The following PTCHD4 variants were observed in gnomAD, a reference collection of about 807,000 sequenced individuals.
PTCHD4 encodes patched domain-containing protein 4.
In PTCHD4, 33 loss-of-function variants were observed where a neutral mutation model predicts 58.1. The ratio of observed to expected loss-of-function variants is 0.57; its 90% CI spans 0.43 to 0.76. PTCHD4 has a LOEUF of 0.76. PTCHD4 is among the 30% of genes least tolerant of loss of function. The probability of loss-of-function intolerance (pLI) is 0.00; values close to 1 mark genes in which losing one functional copy is unlikely to be tolerated. For synonymous variants in PTCHD4, 478 were observed against 409.6 expected, an observed-to-expected ratio of 1.17 and a Z score of -2.02; for missense variants, 1,058 against 1,027.1, an observed-to-expected ratio of 1.03 and a Z score of -0.41.
chr6:47,985,558 GA>G (rs1581974398), intron 4 of PTCHD4, among the ~76,000 whole-genome samples: 1 of 151,846 alleles, frequency 6.6e-6, no homozygotes, highest in Middle Eastern at 3.2e-3. Context: ...TCCTGTTTTA[GA>G]AAAAAACTCC....
At chr6:48,075,439 G>GTT (rs748270040) in intron 1 of PTCHD4, among the ~76,000 whole-genome samples, 26 of 136,772 alleles carry the variant, frequency 1.9e-4, no homozygotes, top group African/African-American at 4.0e-4. Context: ...AGTTTTGTGG[G>GTT]TTTTTTTTTT....
chr6:48,047,621 C>G (rs1406829173), intron 3 of PTCHD4, among the ~76,000 whole-genome samples: 1 of 151,780 alleles, frequency 6.6e-6, no homozygotes, highest in Non-Finnish European at 1.5e-5. Flanking sequence ...TCCTAATCCC[C>G]AATGTGATGC....
chr6:47,941,791 G>A (rs938307216), intron 4 of PTCHD4, among the ~76,000 whole-genome samples: 6 of 151,838 alleles, frequency 4.0e-5, no homozygotes, highest in Admixed American at 6.6e-5. Flanking sequence ...ATAGAATAGA[G>A]GCTGATATAT....
chr6:47,895,292 T>C (rs1764499603), intron 4 of PTCHD4, among the ~76,000 whole-genome samples: 1 of 152,162 alleles, frequency 6.6e-6, no homozygotes, highest in Non-Finnish European at 1.5e-5. Context: ...TTTCTAAACC[T>C]ATATAAAAAC....
chr6:47,907,336 A>T (rs944723158), intron 4 of PTCHD4, among the ~76,000 whole-genome samples: 1 of 152,190 alleles, frequency 6.6e-6, no homozygotes, highest in Admixed American at 6.5e-5. Context: ...GATTATAATA[A>T]ATAAGGTGAG....
intron 1 of PTCHD4, among the ~76,000 whole-genome samples, chr6:48,082,202 C>T (rs866536574): frequency 1.3e-5 from 2 of 152,120 alleles, no homozygotes; most frequent in South Asian, 4.1e-4. Context: ...CAGCAGAGTT[C>T]AGGAGTCAGG....
At chr6:47,909,443 C>A (rs1164419722) in intron 4 of PTCHD4, among the ~76,000 whole-genome samples, 2 of 151,934 alleles carry the variant, frequency 1.3e-5, no homozygotes, top group South Asian at 2.1e-4. Flanking sequence ...AAATTAGAGA[C>A]AAAAGTTATA....
intron 3 of PTCHD4, among the ~76,000 whole-genome samples, chr6:48,012,794 T>C (rs1762727333): frequency 6.6e-6 from 1 of 152,232 alleles, no homozygotes; most frequent in Admixed American, 6.5e-5. Flanking sequence ...GGGTGTTTAA[T>C]TTTATTGAAG....
At position 48,017,740 on chromosome 6, in the gene PTCHD4, A is replaced by G. The variant is rs141398374; in HGVS notation, c.418-8626T>C. On this transcript the variant is annotated intron_variant, in intron 3 of 4. Coordinates refer to ENST00000339488, the MANE Select transcript of PTCHD4 (RefSeq NM_001384253.1). ...ACAGTGAAAGAAATGTTATACTGCT[A>G]CTAAGTGGCACAGCCAATCACTTGA... is the stretch of plus-strand genomic sequence containing the variant. 4.5e-4 allele frequency among the ~76,000 whole-genome samples: 68 copies of G among 152,342 alleles called. 1 individual carries two copies. The East Asian group carries it at 0.012, about 28-fold the overall frequency.
At position 47,870,621 on chromosome 6, in the gene PTCHD4, A is replaced by G. The variant is rs1763691462; in HGVS notation, c.*7682T>C. Among the ~76,000 whole-genome samples, 2 of 151,640 alleles carry G rather than the reference A, an allele frequency of 1.3e-5. No individual in the cohort carries two copies. The highest frequency in any genetic ancestry group is 1.3e-4 in the Admixed American group (2 of 15,194). On this transcript the variant is annotated 3_prime_UTR_variant, in exon 5 of 5. Transcript: ENST00000339488. ...GGACTTTTGGTTTGGGTTCTTAGTA[A>G]GATCAAAAATAGGTACTTTTAGAAT...
intron 4 of PTCHD4, among the ~76,000 whole-genome samples, chr6:48,005,287 T>C (rs1412984322): frequency 6.6e-6 from 1 of 152,196 alleles, no homozygotes; most frequent in East Asian, 1.9e-4. Flanking sequence ...TCAGGGATGA[T>C]ACTGATAAGC....
rs1045720390 is a variant in PTCHD4, at chr6:47,863,387, A to G, written c.*14916T>C. Reference sequence around the variant, plus strand: ...TACATGCTACACTTGCATATCCCACATGAAAAATAGTACTTTACTATTATT... The same window carrying G: ...TACATGCTACACTTGCATATCCCACGTGAAAAATAGTACTTTACTATTATT... On this transcript the variant is annotated 3_prime_UTR_variant, in exon 5 of 5. Coordinates refer to ENST00000339488, the MANE Select transcript of PTCHD4 (RefSeq NM_001384253.1). Among the ~76,000 whole-genome samples the G allele has an allele frequency of 3.3e-5, 5 of 151,882 alleles. No individual in the cohort carries two copies. Among genetic ancestry groups the G allele is most frequent in the African/African-American group, 4.8e-5 (2 of 41,414 alleles).
intron 1 of PTCHD4, among the ~76,000 whole-genome samples, chr6:48,078,828 G>T (rs543036490): frequency 6.6e-6 from 1 of 152,184 alleles, no homozygotes; most frequent in South Asian, 2.1e-4. Context: ...TTATGAAATT[G>T]CATATTTTGG....
At chr6:47,909,849 A>T (rs1765015095) in intron 4 of PTCHD4, among the ~76,000 whole-genome samples, 1 of 151,924 alleles carries the variant, frequency 6.6e-6, no homozygotes, top group South Asian at 2.1e-4. Flanking sequence ...AATTAATGAC[A>T]TTATAATATT....
chr6:47,922,755 A>G (rs1436326401), intron 4 of PTCHD4, among the ~76,000 whole-genome samples: 2 of 152,230 alleles, frequency 1.3e-5, no homozygotes, highest in Admixed American at 6.5e-5. Context: ...ACAAGGAAAC[A>G]TATAAGGATT....
chr6:48,002,329 A>G (rs1420957695), intron 4 of PTCHD4, among the ~76,000 whole-genome samples: 1 of 152,168 alleles, frequency 6.6e-6, no homozygotes, highest in Non-Finnish European at 1.5e-5. Flanking sequence ...TTGTGGCACT[A>G]TTCACAATAG....
At chr6:48,002,624 G>A (rs1237297077) in intron 4 of PTCHD4, among the ~76,000 whole-genome samples, 2 of 151,936 alleles carry the variant, frequency 1.3e-5, no homozygotes, top group African/African-American at 4.8e-5. Context: ...TGGGGGTAGG[G>A]GGGAGGGATA....
rs925967379 is a variant in PTCHD4, at chr6:47,873,769, C to G, written c.*4534G>C. On this transcript the variant is annotated 3_prime_UTR_variant, in exon 5 of 5. Transcript: ENST00000339488. ...AGATGGGGAAATAGCAAGGGCATAC[C>G]AATTCAGCCATAAATATGTTTTGGG... Among the ~76,000 whole-genome samples the G allele has an allele frequency of 6.6e-6, 1 of 151,604 alleles. No individual in the cohort carries two copies. Among genetic ancestry groups the G allele is most frequent in the Non-Finnish European group, 1.5e-5 (1 of 67,754 alleles).
chr6:48,057,983 A>G (rs1764473785), intron 3 of PTCHD4, among the ~76,000 whole-genome samples: 1 of 152,232 alleles, frequency 6.6e-6, no homozygotes, highest in Non-Finnish European at 1.5e-5. Context: ...GGCCTCAGGT[A>G]GAGACAGCCA....
Sources: gnomAD v4.1 joint callset for allele counts (sites outside exome capture counted in the v4.1 genomes callset) on GRCh38, gnomAD v4.1.1 for gene constraint, MANE v1.5 for transcripts, NCBI Gene and HGNC (gene_info 2026-07-23, HGNC 2026-07-21) for gene names.